Variants in VIT observed in about 807,000 individuals in gnomAD.
The protein encoded by VIT is vitrin.
A neutral mutation model predicts 78.0 loss-of-function variants in VIT; 99 were observed. That is an observed-to-expected ratio of 1.27 (90% CI 1.08 to 1.50). The LOEUF (loss-of-function observed/expected upper bound fraction) is 1.50, where lower values mean the gene tolerates loss of function less well. Among genes scored for constraint, VIT ranks in the 40% most tolerant of loss-of-function variants. The pLI is 0.00. For synonymous variants in VIT, 374 were observed against 334.3 expected (o/e 1.12, Z -1.29); for missense variants, 1,126 against 875.3 (o/e 1.29, Z -3.61).
At chr2:36,798,436 A>G (rs1311669156) in intron 12 of VIT, among the ~76,000 whole-genome samples, 2 of 152,218 alleles carry the variant, frequency 1.3e-5, no homozygotes, top group East Asian at 1.9e-4. Flanking sequence ...AAAAGTGTAC[A>G]TAGCATTTAC....
At chr2:36,805,997 C>G (rs982379503) in intron 14 of VIT, among the ~76,000 whole-genome samples, 2 of 152,144 alleles carry the variant, frequency 1.3e-5, no homozygotes, top group African/African-American at 4.8e-5. Flanking sequence ...CTCTCTCTCT[C>G]TCACACACAC....
At chr2:36,734,591 G>C (rs74521118) in intron 3 of VIT, among the ~76,000 whole-genome samples, 2,850 of 152,258 alleles carry the variant, frequency 0.019, 84 homozygotes, top group African/African-American at 0.064. Flanking sequence ...GGGAAAAATG[G>C]GAGAAGGAGA....
At chr2:36,749,248 T>C (rs973456366) in intron 4 of VIT, among the ~76,000 whole-genome samples, 2 of 152,114 alleles carry the variant, frequency 1.3e-5, no homozygotes, top group Admixed American at 6.6e-5. Context: ...GGAAGAAATA[T>C]CACAGCTATG....
rs550077951 is a variant in VIT, at chr2:36,715,767, C to T, written c.-18-586C>T. Among the ~76,000 whole-genome samples, 3 of 152,284 alleles carry T rather than the reference C, an allele frequency of 2.0e-5. No homozygotes were observed. The South Asian group carries it at 6.2e-4, about 32-fold the overall frequency. ...ATGCAGCAAAGTTTGAGAACCACTG[C>T]TCTACAAACTTCCCCTTATACTCTC... On this transcript the variant is annotated intron_variant, in intron 1 of 15. Coordinates refer to ENST00000379242, the MANE Select transcript of VIT (RefSeq NM_053276.4).
At chr2:36,776,997 G>T (rs1265777853) in intron 9 of VIT, among the ~76,000 whole-genome samples, 1 of 149,396 alleles carries the variant, frequency 6.7e-6, no homozygotes, top group Non-Finnish European at 1.5e-5. Context: ...GCTGAGGCAG[G>T]AGAATGGCAT....
At chr2:36,718,489 C>T (rs1474743143) in intron 2 of VIT, among the ~76,000 whole-genome samples, 3 of 152,172 alleles carry the variant, frequency 2.0e-5, no homozygotes, top group Non-Finnish European at 4.4e-5. Flanking sequence ...TCACCCAACC[C>T]TATGTAACAT....
chr2:36,754,925 G>A lies in VIT; in HGVS notation c.280G>A (p.Val94Met), dbSNP rs989700503. The A allele has an allele frequency of 6.2e-7, 1 of 1,613,662 alleles. No homozygotes were observed. Among genetic ancestry groups the A allele is most frequent in the Non-Finnish European group, 8.5e-7 (1 of 1,179,846 alleles). The change falls in exon 5 of 16, where the codon GTG becomes ATG. Residue 94 changes from valine to methionine, a missense_variant. Physicochemically the swap from Val to Met is conservative, Grantham distance 21 (BLOSUM62 1). Coordinates refer to ENST00000379242, the MANE Select transcript of VIT (RefSeq NM_053276.4). ...SVCGAAVHSG[V>M]LDNSGGKILV... ...AATTATTTTTTCTCTTCATAGTGGT[G>A]TGCTTGATAATTCAGGAGGGAAAAT...
At chr2:36,796,495 A>C (rs1665911830) in intron 12 of VIT, among the ~76,000 whole-genome samples, 1 of 152,242 alleles carries the variant, frequency 6.6e-6, no homozygotes, top group Non-Finnish European at 1.5e-5. Context: ...GGTAGGGGAA[A>C]GAGACAGGGA....
In VIT at chr2:36,800,533, C is replaced by T. The variant is rs75962564; in HGVS notation, c.1059-768C>T. Among the ~76,000 whole-genome samples, 838 of 152,234 alleles carry T rather than the reference C, an allele frequency of 5.5e-3. 3 individuals are homozygous for T. Among genetic ancestry groups the T allele is most frequent in the Non-Finnish European group, 8.7e-3 (592 of 68,006 alleles). ...GCCCTGTGTGACTGCGCAGGTCTCA[C>T]GCCCACGAAGTCAGCGCTGCCTGTG... On this transcript the variant is annotated intron_variant, in intron 12 of 15. Coordinates refer to ENST00000379242, the MANE Select transcript of VIT (RefSeq NM_053276.4).
intron 7 of VIT, 77 bp downstream of exon 7, chr2:36,767,362 G>A (rs1020271353): frequency 7.3e-7 from 1 of 1,371,274 alleles, no homozygotes; most frequent in Non-Finnish European, 9.5e-7. Flanking sequence ...CTCTGTCTGA[G>A]CATCTACTGG....
intron 1 of VIT, among the ~76,000 whole-genome samples, chr2:36,706,348 T>C (rs1248823343): frequency 1.3e-5 from 2 of 152,154 alleles, no homozygotes. Flanking sequence ...GGGTTTTAAT[T>C]AAAGCTGCAG....
chr2:36,811,187 G>A (rs1445009104), intron 15 of VIT, among the ~76,000 whole-genome samples: 1 of 152,158 alleles, frequency 6.6e-6, no homozygotes. Flanking sequence ...GCTCATATCA[G>A]CAGATTGAAG....
intron 12 of VIT, chr2:36,787,744 A>G (rs111362752): frequency 2.3e-6 from 1 of 430,260 alleles, no homozygotes; most frequent in Non-Finnish European, 4.6e-6. Context: ...CCTAGAGAAC[A>G]TGGTGCTTTA....
At chr2:36,715,362 C>A (rs1469381792) in intron 1 of VIT, among the ~76,000 whole-genome samples, 1 of 152,088 alleles carries the variant, frequency 6.6e-6, no homozygotes, top group South Asian at 2.1e-4. Flanking sequence ...GATGGTGAAA[C>A]CCAGTCTCTA....
At chr2:36,726,785 C>T (rs1307488179) in intron 2 of VIT, among the ~76,000 whole-genome samples, 1 of 144,982 alleles carries the variant, frequency 6.9e-6, no homozygotes, top group Admixed American at 6.9e-5. Flanking sequence ...CACTACTGCA[C>T]TCCGGCATGG....
chr2:36,808,589 A>G lies in VIT; in HGVS notation c.1507A>G (p.Lys503Glu). The change falls in exon 15 of 16, where the codon AAG becomes GAG. Residue 503 changes from lysine to glutamate, a missense_variant. Physicochemically the swap from Lys to Glu is moderately conservative, Grantham distance 56. Transcript: ENST00000379242. ...VCDTDRLACSKTCLNSADIGF... is the reference protein window; with the variant it reads ...VCDTDRLACSETCLNSADIGF... The stretch of plus-strand genomic sequence containing the variant: ...CGACACTGACCGCCTGGCCTGCAGC[A>G]AGACCTGCTTGAACTCGGCTGACAT... 2 of 1,614,190 alleles carry G rather than the reference A, an allele frequency of 1.2e-6. No homozygotes were observed. Among genetic ancestry groups the G allele is most frequent in the Non-Finnish European group, 8.5e-7 (1 of 1,180,048 alleles).
At chr2:36,786,340 G>A (rs1018060581) in intron 11 of VIT, among the ~76,000 whole-genome samples, 2 of 152,104 alleles carry the variant, frequency 1.3e-5, no homozygotes, top group African/African-American at 4.8e-5. Flanking sequence ...TATCATTCCT[G>A]TCTACCGCAA....
At chr2:36,777,168 G>C (rs868754814) in intron 9 of VIT, among the ~76,000 whole-genome samples, 4 of 131,874 alleles carry the variant, frequency 3.0e-5, no homozygotes, top group African/African-American at 2.5e-5. Flanking sequence ...TCAGTATTCT[G>C]TTTCAAATGA....
intron 3 of VIT, among the ~76,000 whole-genome samples, chr2:36,735,245 G>A (rs895689568): frequency 6.6e-6 from 1 of 152,150 alleles, no homozygotes; most frequent in African/African-American, 2.4e-5. Flanking sequence ...ATATAAAAAA[G>A]CAATTGGATG....
Sources: gnomAD v4.1 joint callset for allele counts (sites outside exome capture counted in the v4.1 genomes callset) on GRCh38, gnomAD v4.1.1 for gene constraint, MANE v1.5 for transcripts, NCBI Gene and HGNC (gene_info 2026-07-23, HGNC 2026-07-21) for gene names.